The following RNF123 variants were observed in gnomAD, a reference collection of about 807,000 sequenced individuals.
The protein encoded by RNF123 is ring finger protein 123, also known as E3 ubiquitin-protein ligase RNF123.
A neutral mutation model predicts 168.5 loss-of-function variants in RNF123; 86 were observed. The ratio of observed to expected loss-of-function variants is 0.51; its 90% CI spans 0.43 to 0.61. The LOEUF (loss-of-function observed/expected upper bound fraction) is 0.61. Ranked by LOEUF, RNF123 falls within the 20% of genes least tolerant of loss-of-function variation. The pLI is 0.00. For synonymous variants in RNF123, 666 were observed against 689.1 expected, an observed-to-expected ratio of 0.97 and a Z score of 0.52; for missense variants, 1,419 against 1,729.7, an observed-to-expected ratio of 0.82 and a Z score of 3.19.
intron 35 of RNF123, chr3:49,719,347 C>A: frequency 6.2e-7 from 1 of 1,613,450 alleles, no homozygotes; most frequent in Non-Finnish European, 8.5e-7. Context: ...GTCGGCAGCG[C>A]AGATACATTT....
At chr3:49,694,656 C>T (rs1006414117) in intron 3 of RNF123, among the ~76,000 whole-genome samples, 7 of 152,240 alleles carry the variant, frequency 4.6e-5, no homozygotes, top group African/African-American at 1.4e-4. Context: ...TCAGCCTTAG[C>T]TGTTCTGTCT....
chr3:49,713,174 G>C, intron 27 of RNF123: 1 of 591,008 alleles, frequency 1.7e-6, no homozygotes, highest in Non-Finnish European at 3.0e-6. Flanking sequence ...CCTGCCCCCT[G>C]CCCAGCCACA....
Position 49,716,144 on chromosome 3 carries a change from C to G in RNF123, c.3382C>G (p.Leu1128Val). The part of the protein sequence containing the change: ...VLNRVTAERN[L>V]FDRVVTLRLP... ...GAACCGGGTGACAGCTGAGAGGAAC[C>G]TGTTTGATCGTGTGGTCACCCTACG... Residue 1128 changes from leucine (L) to valine (V), a missense_variant, in exon 34 of 39, where the codon CTG (leucine) becomes GTG (valine). By Grantham distance (32) the Leu-to-Val change is conservative. Around this residue, in one of 5 missense-constraint regions of RNF123, gnomAD observed 538 missense variants for 708.8 expected, o/e 0.76. Coordinates refer to ENST00000327697, the MANE Select transcript of RNF123 (RefSeq NM_022064.5). The G allele has an allele frequency of 1.9e-6, 3 of 1,613,742 alleles. No homozygotes were observed. Among genetic ancestry groups the G allele is most frequent in the Non-Finnish European group, 2.5e-6 (3 of 1,179,940 alleles).
Position 49,699,549 on chromosome 3 carries a change from C to A in RNF123, c.846C>A (p.Phe282Leu). ...GGGCACAGAGGTTGCTGGGCTGCTTCCGGGCAGTGCTGAGTGTGGAGCTGG... is the reference window on the plus strand; with the variant it reads ...GGGCACAGAGGTTGCTGGGCTGCTTACGGGCAGTGCTGAGTGTGGAGCTGG... ...LVRAQRLLGCFRAVLSVELDP... is the reference protein window; with the variant it reads ...LVRAQRLLGCLRAVLSVELDP... Residue 282 changes from phenylalanine (F) to leucine (L), a missense_variant, in exon 11 of 39, where the codon TTC (phenylalanine) becomes TTA (leucine). By Grantham distance (22) the Phe-to-Leu change is conservative. Around this residue, in one of 5 missense-constraint regions of RNF123, gnomAD observed 318 missense variants for 446.6 expected, o/e 0.71. Coordinates refer to ENST00000327697, the MANE Select transcript of RNF123 (RefSeq NM_022064.5). The surrounding 1 kb of genome is among the most constrained non-coding windows in gnomAD (Gnocchi z 4.8). 1 of 1,613,310 alleles carries A rather than the reference C, an allele frequency of 6.2e-7. No homozygotes were observed.
chr3:49,717,894 AG>A, intron 35 of RNF123: 2 of 1,536,842 alleles, frequency 1.3e-6, no homozygotes, highest in Non-Finnish European at 1.8e-6. Flanking sequence ...GGACCGAAGC[AG>A]GGAGCAGGGC....
intron 26 of RNF123, among the ~76,000 whole-genome samples, chr3:49,707,456 C>G (rs973373041): frequency 1.5e-4 from 23 of 152,140 alleles, no homozygotes; most frequent in Admixed American, 3.9e-4. Context: ...TGGTCAGATA[C>G]ATGGATGGAC....
At chr3:49,707,458 TG>T (rs1206629820) in intron 26 of RNF123, among the ~76,000 whole-genome samples, 1 of 152,150 alleles carries the variant, frequency 6.6e-6, no homozygotes, top group Non-Finnish European at 1.5e-5. Flanking sequence ...GTCAGATACA[TG>T]GATGGACAGA....
At chr3:49,692,779 T>C (rs1221496886) in intron 3 of RNF123, among the ~76,000 whole-genome samples, 1 of 152,248 alleles carries the variant, frequency 6.6e-6, no homozygotes, top group Admixed American at 6.5e-5. Context: ...TCCAGTTCCA[T>C]CCATGTTGTT....
At chr3:49,718,279 A>G in intron 35 of RNF123, 2 of 1,613,016 alleles carry the variant, frequency 1.2e-6, no homozygotes, top group South Asian at 1.1e-5. Context: ...CAGCACGAGC[A>G]CAAGGCCCAC....
chr3:49,713,026 T>G (rs2080173643), intron 27 of RNF123: 5 of 671,626 alleles, frequency 7.4e-6, no homozygotes, highest in Non-Finnish European at 2.7e-6. Context: ...AGGGGCAGAA[T>G]GGTTTGTCTT....
rs34614773 is a variant in RNF123, at chr3:49,715,570, T to G, written c.3011-5T>G. On this transcript the variant is annotated splice_polypyrimidine_tract_variant and splice_region_variant and intron_variant, in intron 31 of 38. Coordinates refer to ENST00000327697, the MANE Select transcript of RNF123 (RefSeq NM_022064.5). ...CTGATGATGCCGCCTCCTGTCCCCC[T>G]GCAGAGCCCTGCCCTTCCACCCTGC... 0.53 allele frequency: 858,667 copies of G among 1,613,164 alleles called. 234,020 individuals carry two copies. The highest frequency in any genetic ancestry group is 0.79 in the East Asian group (35,602 of 44,852).
intron 26 of RNF123, among the ~76,000 whole-genome samples, chr3:49,709,860 AC>A (rs1361965280): frequency 6.6e-6 from 1 of 152,254 alleles, no homozygotes; most frequent in Non-Finnish European, 1.5e-5. Flanking sequence ...GGCATGAGCC[AC>A]CGCGCCCGGC....
intron 23 of RNF123, 126 bp from the exon 24 acceptor site, chr3:49,705,408 A>G: frequency 4.3e-6 from 6 of 1,395,970 alleles, no homozygotes; most frequent in Non-Finnish European, 2.9e-6. Context: ...CCATGCCCCC[A>G]TGGGCTCCCC....
At position 49,705,101 on chromosome 3, in the gene RNF123, A is replaced by G; in HGVS notation, c.2077A>G (p.Met693Val). 1.2e-6 allele frequency: 2 copies of G among 1,611,494 alleles called. No individual in the cohort carries two copies. The highest frequency in any genetic ancestry group is 1.7e-6 in the Non-Finnish European group (2 of 1,178,926). ...CCTCAGCACAGCGGCTGTGAGCCTC[A>G]TGACCCCACGGCGGCCTCTGAGCAC... ...RFLSTAAVSL[M>V]TPRRPLSTSE... Residue 693 changes from methionine (M) to valine (V), a missense_variant, in exon 23 of 39, where the codon ATG (methionine) becomes GTG (valine). By Grantham distance (21) the Met-to-Val change is conservative. Around this residue, in one of 5 missense-constraint regions of RNF123, gnomAD observed 538 missense variants for 708.8 expected, o/e 0.76. Coordinates refer to ENST00000327697, the MANE Select transcript of RNF123 (RefSeq NM_022064.5).
chr3:49,696,920 A>G (rs1451763333), intron 3 of RNF123: 4 of 512,462 alleles, frequency 7.8e-6, no homozygotes, highest in Non-Finnish European at 1.5e-5. Flanking sequence ...TGCTGGGATT[A>G]CAGGCATGGG....
At chr3:49,714,868 G>T (rs554370807) in intron 31 of RNF123, among the ~76,000 whole-genome samples, 1 of 152,238 alleles carries the variant, frequency 6.6e-6, no homozygotes. Context: ...TGGTCCAAAG[G>T]GTGTCCCCAG....
intron 35 of RNF123, chr3:49,719,737 G>A (rs2080350648): frequency 5.0e-6 from 2 of 402,540 alleles, no homozygotes; most frequent in Non-Finnish European, 9.3e-6. Context: ...CGGGGCCCGG[G>A]CTCCTATTGG....
At position 49,698,098 on chromosome 3, in the gene RNF123, G is replaced by A. The variant is rs768685763; in HGVS notation, c.444G>A (p.Gln148=). 21 of 1,613,886 alleles carry A rather than the reference G, an allele frequency of 1.3e-5. No individual in the cohort carries two copies. Among genetic ancestry groups the A allele is most frequent in the Non-Finnish European group, 1.4e-5 (17 of 1,179,970 alleles). The change falls in exon 7 of 39, where the codon CAG becomes CAA. Residue 148 remains glutamine (Q), a synonymous_variant. Transcript: ENST00000327697. Reference sequence around the variant, plus strand: ...TCATCTCCTCCCAGGGGCTCATGCAGATCGGCTGGTGCACCATCAGCTGCC... The same window carrying A: ...TCATCTCCTCCCAGGGGCTCATGCAAATCGGCTGGTGCACCATCAGCTGCC... ...EVLISSQGLM[Q]IGWCTISCRF...
intron 35 of RNF123, chr3:49,718,682 G>A: frequency 6.2e-7 from 1 of 1,613,012 alleles, no homozygotes; most frequent in Non-Finnish European, 8.5e-7. Flanking sequence ...TGGAAGAAGC[G>A]CACGCGGGAC....
Sources: gnomAD v4.1 joint callset for allele counts (sites outside exome capture counted in the v4.1 genomes callset) on GRCh38, gnomAD v4.1.1 for gene constraint, gnomAD v4.1.1 regional missense constraint, Gnocchi (gnomAD v3.1) non-coding constraint, MANE v1.5 for transcripts, NCBI Gene and HGNC (gene_info 2026-07-23, HGNC 2026-07-21) for gene names.